The following LRRC8C variants were observed in gnomAD, a reference collection of about 807,000 sequenced individuals.
LRRC8C encodes leucine rich repeat containing 8 VRAC subunit C, also known as volume-regulated anion channel subunit LRRC8C.
LRRC8C carries 20 observed loss-of-function variants against 55.3 expected under a neutral mutation model. That is an observed-to-expected ratio of 0.36 (90% CI 0.25 to 0.53). LRRC8C has a LOEUF of 0.53. Among genes scored for constraint, LRRC8C ranks in the 20% least tolerant of loss-of-function variants. The pLI, the probability that LRRC8C is intolerant of heterozygous loss-of-function variation, is 0.92. For missense variants in LRRC8C, 659 were observed against 951.4 expected (o/e 0.69, Z 4.04); for synonymous variants, 376 against 360.7 (o/e 1.04, Z -0.48).
upstream of LRRC8C, among the ~76,000 whole-genome samples, chr1:89,629,550 C>T (rs1039023333): frequency 3.3e-5 from 5 of 152,132 alleles, no homozygotes; most frequent in Non-Finnish European, 7.4e-5. Flanking sequence ...TATTTATGAG[C>T]TAAAGGGTTC....
chr1:89,707,706 T>G (rs1658525245), intron 2 of LRRC8C, among the ~76,000 whole-genome samples: 1 of 151,700 alleles, frequency 6.6e-6, no homozygotes, highest in Admixed American at 6.6e-5. Flanking sequence ...TGAGAAAGAT[T>G]GAAAGGTATT....
At chr1:89,690,522 C>G (rs555990635) in intron 2 of LRRC8C, among the ~76,000 whole-genome samples, 1 of 152,210 alleles carries the variant, frequency 6.6e-6, no homozygotes, top group South Asian at 2.1e-4. Flanking sequence ...AATTGTTTCT[C>G]TTGTTTACAC....
At chr1:89,622,339 T>TTTTC in the LRRC8C span, among the ~76,000 whole-genome samples, 1 of 151,130 alleles carries the variant, frequency 6.6e-6, no homozygotes, top group Non-Finnish European at 1.5e-5. Context: ...TGTAAAATTT[T>TTTTC]TTTTTTTTTT....
rs765454308 is a variant in LRRC8C at position 89,712,843 on chromosome 1, C to G, written c.273C>G (p.Pro91=). The stretch of plus-strand genomic sequence containing the variant: ...CACCTAAACCATCTCCTGCTAACCC[C>G]ATCACTGTGGAAATGAAAGGCCTGA... ...LPPPKPSPAN[P]ITVEMKGLKT... is the part of the protein sequence containing the mutation. The change falls in exon 3 of 3, where the codon CCC becomes CCG. Residue 91 remains proline (P), a synonymous_variant. Transcript: ENST00000370454. 5.6e-6 allele frequency: 9 copies of G among 1,614,162 alleles called. No homozygotes were observed. The South Asian group carries it at 9.9e-5, about 18-fold the overall frequency.
At chr1:89,657,735 G>A (rs1469977167) in intron 1 of LRRC8C, among the ~76,000 whole-genome samples, 3 of 43,456 alleles carry the variant, frequency 6.9e-5, no homozygotes, top group Non-Finnish European at 4.6e-5. Flanking sequence ...GTGAGACTCT[G>A]TATCAAAAAA....
chr1:89,631,574 C>T (rs1260176990), upstream of LRRC8C: 1 of 151,982 alleles, frequency 6.6e-6, no homozygotes. Context: ...CTGCATCTAC[C>T]CTGGTGACTT....
the LRRC8C span, among the ~76,000 whole-genome samples, chr1:89,623,609 C>A: frequency 6.6e-6 from 1 of 152,132 alleles, no homozygotes; most frequent in Admixed American, 6.5e-5. Context: ...GTAGTCCCAG[C>A]TACTGGGAAG....
chr1:89,696,626 G>T (rs545760494), intron 2 of LRRC8C, among the ~76,000 whole-genome samples: 25 of 152,262 alleles, frequency 1.6e-4, no homozygotes, highest in African/African-American at 5.3e-4. Context: ...CTTCAAACCT[G>T]TTGTGTCACA....
intron 2 of LRRC8C, among the ~76,000 whole-genome samples, chr1:89,702,757 T>G (rs1658368376): frequency 6.6e-6 from 1 of 152,100 alleles, no homozygotes; most frequent in South Asian, 2.1e-4. Context: ...AGCAAGACCC[T>G]GTCTCAATCA....
chr1:89,644,641 A>G (rs1304476199), intron 1 of LRRC8C, among the ~76,000 whole-genome samples: 4 of 152,236 alleles, frequency 2.6e-5, no homozygotes, highest in African/African-American at 9.6e-5. Context: ...ACATAGTCCA[A>G]AGGTAGAGTT....
the LRRC8C span, among the ~76,000 whole-genome samples, chr1:89,622,087 G>GA: frequency 3.5e-4 from 54 of 152,158 alleles, no homozygotes; most frequent in African/African-American, 1.2e-3. Context: ...ACTCTAGGGG[G>GA]AAAAAATGAC....
chr1:89,662,246 G>T (rs1276920225), intron 1 of LRRC8C, among the ~76,000 whole-genome samples: 1 of 152,230 alleles, frequency 6.6e-6, no homozygotes, highest in Non-Finnish European at 1.5e-5. Context: ...GGCCACAAGT[G>T]GTCTGCAGGC....
At chr1:89,665,334 C>T (rs754541285) in intron 1 of LRRC8C, among the ~76,000 whole-genome samples, 4 of 152,056 alleles carry the variant, frequency 2.6e-5, no homozygotes, top group Non-Finnish European at 4.4e-5. Flanking sequence ...GAGTTTTTAG[C>T]ATGAAAGGGT....
chr1:89,657,666 G>T (rs565269004), intron 1 of LRRC8C, among the ~76,000 whole-genome samples: 1 of 150,462 alleles, frequency 6.6e-6, no homozygotes, highest in East Asian at 2.0e-4. Context: ...GCTCGAACCC[G>T]GGAGGCAGAG....
chr1:89,712,679 T>C (rs1658683090), intron 2 of LRRC8C, 30 bp from the exon 3 acceptor site: 2 of 1,521,400 alleles, frequency 1.3e-6, no homozygotes, highest in East Asian at 2.3e-5. Context: ...TTGAGTAATA[T>C]AATTTGAAAA....
chr1:89,639,788 T>C (rs534031125), intron 1 of LRRC8C, among the ~76,000 whole-genome samples: 3 of 152,330 alleles, frequency 2.0e-5, no homozygotes, highest in Admixed American at 2.0e-4. Flanking sequence ...ACAGTAACAT[T>C]TCTTACCTAT....
intron 1 of LRRC8C, among the ~76,000 whole-genome samples, chr1:89,634,548 A>G (rs1656225293): frequency 6.6e-6 from 1 of 152,212 alleles, no homozygotes; most frequent in South Asian, 2.1e-4. Flanking sequence ...TTAAGATGCC[A>G]TTTAGACGAA....
chr1:89,681,388 T>C (rs938310321), intron 1 of LRRC8C, among the ~76,000 whole-genome samples: 1 of 152,232 alleles, frequency 6.6e-6, no homozygotes, highest in Non-Finnish European at 1.5e-5. Context: ...TCAAAAACAT[T>C]AAGGATTAAT....
intron 2 of LRRC8C, among the ~76,000 whole-genome samples, chr1:89,693,819 G>A (rs1227935233): frequency 2.0e-5 from 3 of 151,606 alleles, no homozygotes; most frequent in African/African-American, 7.3e-5. Flanking sequence ...ACCACACCCA[G>A]CTAATTTTTG....
Sources: allele counts gnomAD v4.1 joint callset (sites outside exome capture counted in the v4.1 genomes callset), GRCh38; gene constraint gnomAD v4.1.1; transcripts MANE v1.5; gene names NCBI Gene and HGNC (gene_info 2026-07-23, HGNC 2026-07-21).